Variants in PLXDC2 observed in about 807,000 individuals in gnomAD.
PLXDC2 encodes the protein plexin domain-containing protein 2.
In PLXDC2, 40 loss-of-function variants were observed where a neutral mutation model predicts 68.9. The ratio of observed to expected loss-of-function variants is 0.58; its 90% CI spans 0.45 to 0.76. The LOEUF (loss-of-function observed/expected upper bound fraction) is 0.76. Ranked by LOEUF, PLXDC2 falls within the 30% of genes least tolerant of loss-of-function variation. PLXDC2 has a pLI of 0.00. For missense variants in PLXDC2, 644 were observed against 661.9 expected (o/e 0.97, Z 0.30); for synonymous variants, 243 against 234.2 (o/e 1.04, Z -0.34).
chr10:20,103,194 A>G (rs1490504976), intron 4 of PLXDC2, among the ~76,000 whole-genome samples: 1 of 152,188 alleles, frequency 6.6e-6, no homozygotes, highest in African/African-American at 2.4e-5. Flanking sequence ...TTTAATTTTT[A>G]TTTATTTTCA....
intron 1 of PLXDC2, among the ~76,000 whole-genome samples, chr10:19,998,702 A>G (rs979456186): frequency 6.6e-6 from 1 of 152,132 alleles, no homozygotes; most frequent in African/African-American, 2.4e-5. Context: ...GAGGTAGCAA[A>G]TTCCAGGAGG....
chr10:19,889,039 A>T (rs1340987877), intron 1 of PLXDC2, among the ~76,000 whole-genome samples: 2 of 152,040 alleles, frequency 1.3e-5, no homozygotes, highest in Non-Finnish European at 2.9e-5. Flanking sequence ...AGTAGAAAAA[A>T]AATACCATTA....
intron 3 of PLXDC2, among the ~76,000 whole-genome samples, chr10:20,051,408 A>G (rs1267942928): frequency 1.8e-4 from 1 of 5,454 alleles, no homozygotes; most frequent in Non-Finnish European, 3.9e-4. Context: ...ATATATATAT[A>G]TATATATATA....
At chr10:19,987,768 G>A (rs1834671171) in intron 1 of PLXDC2, among the ~76,000 whole-genome samples, 1 of 151,766 alleles carries the variant, frequency 6.6e-6, no homozygotes, top group Admixed American at 6.6e-5. Flanking sequence ...GTTTCACCTT[G>A]TTGGCCAGGA....
At chr10:20,012,338 G>T (rs58265382) in intron 2 of PLXDC2, among the ~76,000 whole-genome samples, 4 of 34,890 alleles carry the variant, frequency 1.1e-4, no homozygotes, top group East Asian at 1.4e-3. Context: ...TTTTTTTGGA[G>T]AAGGAGACTT....
At chr10:19,898,265 G>A (rs1024358658) in intron 1 of PLXDC2, among the ~76,000 whole-genome samples, 1 of 152,138 alleles carries the variant, frequency 6.6e-6, no homozygotes, top group African/African-American at 2.4e-5. Flanking sequence ...ATTGTGTGAT[G>A]TTAAGGTTTA....
intron 1 of PLXDC2, among the ~76,000 whole-genome samples, chr10:20,001,131 A>G (rs1834929325): frequency 6.6e-6 from 1 of 152,096 alleles, no homozygotes; most frequent in African/African-American, 2.4e-5. Context: ...CCCTGACGAG[A>G]TTTCAAGGTG....
At chr10:20,020,177 A>ATTTTT (rs1564659038) in intron 2 of PLXDC2, among the ~76,000 whole-genome samples, 2 of 98,184 alleles carry the variant, frequency 2.0e-5, no homozygotes, top group African/African-American at 8.8e-5. Flanking sequence ...ACACCCAGCA[A>ATTTTT]ATTTTTTTTT....
At chr10:19,855,159 A>T (rs1837189244) in intron 1 of PLXDC2, among the ~76,000 whole-genome samples, 1 of 152,222 alleles carries the variant, frequency 6.6e-6, no homozygotes, top group Non-Finnish European at 1.5e-5. Context: ...TTGGAGACTT[A>T]GTAGTAGAAA....
At chr10:20,193,727 A>C (rs1834800245) in intron 9 of PLXDC2, among the ~76,000 whole-genome samples, 1 of 152,120 alleles carries the variant, frequency 6.6e-6, no homozygotes, top group Non-Finnish European at 1.5e-5. Context: ...TGTTAACATA[A>C]GATGACATTA....
intron 1 of PLXDC2, among the ~76,000 whole-genome samples, chr10:19,835,304 G>C (rs1486447280): frequency 6.6e-6 from 1 of 152,200 alleles, no homozygotes; most frequent in Non-Finnish European, 1.5e-5. Context: ...GAGCAGCTAG[G>C]AAGGGCAGGT....
intron 13 of PLXDC2, among the ~76,000 whole-genome samples, chr10:20,253,016 G>A (rs1008287592): frequency 2.0e-5 from 3 of 151,618 alleles, no homozygotes; most frequent in African/African-American, 4.9e-5. Context: ...ATACAGATTA[G>A]TTAAAAAAAA....
At chr10:20,181,090 G>A (rs1448973311) in intron 9 of PLXDC2, among the ~76,000 whole-genome samples, 2 of 152,064 alleles carry the variant, frequency 1.3e-5, no homozygotes, top group African/African-American at 4.8e-5. Flanking sequence ...TAATAGTGAT[G>A]AGTGTTATGG....
chr10:20,135,702 A>C (rs1228918203), intron 4 of PLXDC2, among the ~76,000 whole-genome samples: 1 of 152,154 alleles, frequency 6.6e-6, no homozygotes, highest in East Asian at 1.9e-4. Context: ...TGGTAATTTT[A>C]TGAACATAAT....
At chr10:19,830,243 G>C (rs939487430) in intron 1 of PLXDC2, among the ~76,000 whole-genome samples, 5 of 152,166 alleles carry the variant, frequency 3.3e-5, no homozygotes, top group Admixed American at 1.3e-4. Flanking sequence ...AGATCACTTG[G>C]TAGCCTTTTA....
At chr10:20,258,514 A>G (rs1226799924) in intron 13 of PLXDC2, among the ~76,000 whole-genome samples, 1 of 152,124 alleles carries the variant, frequency 6.6e-6, no homozygotes, top group Non-Finnish European at 1.5e-5. Context: ...CATTTGTTCC[A>G]TTTCTATTTT....
chr10:20,268,073 A>T (rs996454408), intron 13 of PLXDC2, among the ~76,000 whole-genome samples: 1 of 152,194 alleles, frequency 6.6e-6, no homozygotes, highest in African/African-American at 2.4e-5. Context: ...CAGTTATAAC[A>T]TTGTATGACA....
intron 13 of PLXDC2, among the ~76,000 whole-genome samples, chr10:20,268,164 A>T (rs993446650): frequency 2.0e-5 from 3 of 152,162 alleles, no homozygotes; most frequent in Non-Finnish European, 4.4e-5. Flanking sequence ...CTGCTACACT[A>T]ATACTTTATT....
At chr10:20,190,578 C>T (rs1411106006) in intron 9 of PLXDC2, among the ~76,000 whole-genome samples, 1 of 141,026 alleles carries the variant, frequency 7.1e-6, no homozygotes, top group Non-Finnish European at 1.5e-5. Context: ...CACATGTACC[C>T]TAGAACTTAA....
Sources: allele counts gnomAD v4.1 joint callset (sites outside exome capture counted in the v4.1 genomes callset), GRCh38; gene constraint gnomAD v4.1.1; transcripts MANE v1.5; gene names NCBI Gene and HGNC (gene_info 2026-07-23, HGNC 2026-07-21).